The following RBFOX1 variants were observed in gnomAD, a reference collection of about 807,000 sequenced individuals.
RBFOX1 encodes RNA binding fox-1 homolog 1.
Under a neutral mutation model 57.7 loss-of-function variants are expected in RBFOX1, and 8 were observed. The ratio of observed to expected loss-of-function variants is 0.14; its 90% CI spans 0.08 to 0.25. The LOEUF is 0.25. RBFOX1 is among the 10% of genes least tolerant of loss of function. The pLI is 1.00. For synonymous variants in RBFOX1, 326 were observed against 222.4 expected, an observed-to-expected ratio of 1.47 and a Z score of -4.15; for missense variants, 611 against 548.5, an observed-to-expected ratio of 1.11 and a Z score of -1.14.
intron 2 of RBFOX1, among the ~76,000 whole-genome samples, chr16:5,584,130 C>A (rs1596344128): frequency 1.3e-5 from 2 of 152,166 alleles, no homozygotes; most frequent in Admixed American, 1.3e-4. Context: ...AAACCCTGGG[C>A]AGATTGAATA....
chr16:7,270,812 C>T (rs967303719), intron 4 of RBFOX1, among the ~76,000 whole-genome samples: 1 of 152,126 alleles, frequency 6.6e-6, no homozygotes, highest in Non-Finnish European at 1.5e-5. Flanking sequence ...ATCAACTTTC[C>T]CCGCTTTCTC....
rs2072348836 is a variant in RBFOX1 at position 7,504,737 on chromosome 16, A to ATATATATTTT, written c.28-13403_28-13402insTTTTATATAT. 2.8e-3 allele frequency among the ~76,000 whole-genome samples: 18 copies of ATATATATTTT among 6,494 alleles called. 1 individual carries two copies. Among genetic ancestry groups the ATATATATTTT allele is most frequent in the African/African-American group, 6.9e-3 (18 of 2,612 alleles). The allele number at this position is 6,494 out of a possible 152,430, so 4.3% of individuals were successfully genotyped here. ...TATATATATATATATATATATATAT[A>ATATATATTTT]TATATATATATATATATTTATATAT... On this transcript the variant is annotated intron_variant, in intron 4 of 15. Transcript: ENST00000550418.
chr16:7,476,474 A>G (rs1014003321), intron 4 of RBFOX1, among the ~76,000 whole-genome samples: 1 of 152,232 alleles, frequency 6.6e-6, no homozygotes, highest in African/African-American at 2.4e-5. Flanking sequence ...ACTGTATTAA[A>G]CATCCCAATT....
intron 1 of RBFOX1, among the ~76,000 whole-genome samples, chr16:5,268,832 A>C (rs1328526837): frequency 6.6e-6 from 1 of 152,200 alleles, no homozygotes; most frequent in Non-Finnish European, 1.5e-5. Flanking sequence ...TGTTTCTCAC[A>C]GTGGCTACAC....
chr16:5,330,192 G>A (rs1244003569), intron 1 of RBFOX1, among the ~76,000 whole-genome samples: 3 of 152,188 alleles, frequency 2.0e-5, no homozygotes, highest in East Asian at 3.9e-4. Context: ...ATTTTGGGGG[G>A]ATATAAACAT....
chr16:5,866,790 T>C (rs2151895955), intron 3 of RBFOX1, among the ~76,000 whole-genome samples: 1 of 152,348 alleles, frequency 6.6e-6, no homozygotes, highest in Non-Finnish European at 1.5e-5. Flanking sequence ...AGATAAAATA[T>C]ATAAACAACT....
chr16:7,626,552 G>C (rs2060101968), intron 10 of RBFOX1, among the ~76,000 whole-genome samples: 1 of 152,202 alleles, frequency 6.6e-6, no homozygotes, highest in Admixed American at 6.5e-5. Context: ...GGAGCCAAAT[G>C]TCTGCCAGGT....
At chr16:7,460,389 A>ATATATATATATATATATATATATATG in intron 4 of RBFOX1, among the ~76,000 whole-genome samples, 85 of 87,154 alleles carry the variant, frequency 9.8e-4, no homozygotes, top group South Asian at 4.5e-3. Flanking sequence ...ATATATATAT[A>ATATATATATATATATATATATATATG]TGTGTGTGTG....
intron 1 of RBFOX1, among the ~76,000 whole-genome samples, chr16:6,277,457 C>CAAAAA (rs2075923856): frequency 2.2e-5 from 1 of 45,738 alleles, no homozygotes. Flanking sequence ...AGTCTGTCTC[C>CAAAAA]CAAAAAAAAA....
At chr16:6,538,857 A>C (rs1232144623) in intron 2 of RBFOX1, among the ~76,000 whole-genome samples, 15 of 152,106 alleles carry the variant, frequency 9.9e-5, no homozygotes, top group Non-Finnish European at 2.1e-4. Flanking sequence ...AATGGTGCCA[A>C]ACTTACTATT....
intron 14 of RBFOX1, among the ~76,000 whole-genome samples, chr16:7,705,976 G>C (rs905755534): frequency 6.6e-6 from 1 of 152,154 alleles, no homozygotes; most frequent in African/African-American, 2.4e-5. Flanking sequence ...ATAGCTGGTC[G>C]TGTCCTAACA....
chr16:7,690,742 C>T (rs576061584), intron 14 of RBFOX1, among the ~76,000 whole-genome samples: 15 of 152,176 alleles, frequency 9.9e-5, no homozygotes, highest in African/African-American at 3.6e-4. Flanking sequence ...CTCTGGTCAT[C>T]TGGGGCAAAT....
chr16:5,723,825 A>T (rs777823466), intron 3 of RBFOX1, among the ~76,000 whole-genome samples: 1 of 152,230 alleles, frequency 6.6e-6, no homozygotes, highest in Non-Finnish European at 1.5e-5. Context: ...CCCTAGTCAG[A>T]AATCTGTCTG....
chr16:6,385,065 C>T (rs1193801624), intron 2 of RBFOX1, among the ~76,000 whole-genome samples: 1 of 152,152 alleles, frequency 6.6e-6, no homozygotes, highest in Non-Finnish European at 1.5e-5. Flanking sequence ...GTTTGGTCTT[C>T]CAAAGCTTTT....
intron 1 of RBFOX1, among the ~76,000 whole-genome samples, chr16:5,455,145 A>G (rs1164128994): frequency 1.3e-5 from 2 of 151,470 alleles, no homozygotes; most frequent in African/African-American, 2.4e-5. Flanking sequence ...GGCCACAATC[A>G]GAATGACTTG....
At chr16:6,694,864 T>G (rs997638769) in intron 3 of RBFOX1, among the ~76,000 whole-genome samples, 1 of 151,792 alleles carries the variant, frequency 6.6e-6, no homozygotes, top group African/African-American at 2.4e-5. Context: ...CCCGGAGCCC[T>G]GGGAACCACA....
At chr16:7,418,534 A>T (rs545047640) in intron 4 of RBFOX1, among the ~76,000 whole-genome samples, 8 of 152,312 alleles carry the variant, frequency 5.3e-5, no homozygotes, top group Admixed American at 5.2e-4. Context: ...GGCTTATCTG[A>T]TGCCATTAAA....
intron 3 of RBFOX1, among the ~76,000 whole-genome samples, chr16:6,733,482 A>G (rs2069201599): frequency 6.6e-6 from 1 of 152,232 alleles, no homozygotes; most frequent in Non-Finnish European, 1.5e-5. Context: ...TTATAAGGGC[A>G]ATAGCAGAAT....
chr16:6,497,328 A>T lies in RBFOX1; in HGVS notation c.-63-157275A>T, dbSNP rs77822840. Reference sequence around the variant, plus strand: ...GGGTCAAAGATGCAGTATGTTGTTGAGATGTGACATTGACATGGAGCTTGA... The same window carrying T: ...GGGTCAAAGATGCAGTATGTTGTTGTGATGTGACATTGACATGGAGCTTGA... On this transcript the variant is annotated intron_variant, in intron 2 of 15. Transcript: ENST00000550418. Among the ~76,000 whole-genome samples the T allele has an allele frequency of 7.6e-3, 1,160 of 152,222 alleles. 6 individuals carry two copies. Among genetic ancestry groups the T allele is most frequent in the Non-Finnish European group, 0.012 (813 of 68,008 alleles).
Sources: allele counts gnomAD v4.1 joint callset (sites outside exome capture counted in the v4.1 genomes callset), GRCh38; gene constraint gnomAD v4.1.1; transcripts MANE v1.5; gene names NCBI Gene and HGNC (gene_info 2026-07-23, HGNC 2026-07-21).